ERP44: variants seen among roughly 807,000 people sequenced by gnomAD.
ERP44 encodes endoplasmic reticulum protein 44, also known as endoplasmic reticulum resident protein 44.
A neutral mutation model predicts 53.4 loss-of-function variants in ERP44; 25 were observed. The ratio of observed to expected loss-of-function variants is 0.47; its 90% CI spans 0.34 to 0.65. The LOEUF is 0.65. Among genes scored for constraint, ERP44 ranks in the 30% least tolerant of loss-of-function variants. The pLI is 0.01. For synonymous variants in ERP44, 145 were observed against 161.2 expected (o/e 0.90, Z 0.76); for missense variants, 338 against 493.2 (o/e 0.69, Z 2.98).
At chr9:100,072,255 C>T (rs1307112184) in intron 1 of ERP44, among the ~76,000 whole-genome samples, 1 of 152,080 alleles carries the variant, frequency 6.6e-6, no homozygotes, top group Admixed American at 6.6e-5. Context: ...TACCAAAAAG[C>T]TAATCAGAGA....
chr9:100,084,225 G>A (rs182048928), intron 1 of ERP44, among the ~76,000 whole-genome samples: 4 of 152,200 alleles, frequency 2.6e-5, no homozygotes, highest in East Asian at 1.9e-4. Flanking sequence ...CAGACAACAC[G>A]CTCTTCTATT....
At chr9:100,090,551 C>A (rs1429707772) in intron 1 of ERP44, among the ~76,000 whole-genome samples, 1 of 152,022 alleles carries the variant, frequency 6.6e-6, no homozygotes, top group Admixed American at 6.6e-5. Flanking sequence ...GAGTTTGAGA[C>A]CAGTCTGGCC....
chr9:99,992,525 TAA>T (rs1236644145), intron 10 of ERP44, among the ~76,000 whole-genome samples: 3 of 152,146 alleles, frequency 2.0e-5, no homozygotes, highest in African/African-American at 4.8e-5. Context: ...CTCTAAATAA[TAA>T]GAGCTATTTA....
At chr9:100,083,461 T>C (rs1407531555) in intron 1 of ERP44, among the ~76,000 whole-genome samples, 1 of 151,752 alleles carries the variant, frequency 6.6e-6, no homozygotes, top group African/African-American at 2.4e-5. Context: ...CAGCAAAAAA[T>C]AAAAAGCCAT....
chr9:100,051,066 G>A (rs1826031578), intron 4 of ERP44, among the ~76,000 whole-genome samples: 1 of 152,196 alleles, frequency 6.6e-6, no homozygotes, highest in Non-Finnish European at 1.5e-5. Flanking sequence ...GGGAAGCAGT[G>A]TGAAAATGTA....
chr9:100,052,549 A>G lies in ERP44; in HGVS notation c.171-17T>C. On this transcript the variant is annotated splice_polypyrimidine_tract_variant and intron_variant, in intron 3 of 11. Transcript: ENST00000262455. Reference sequence around the variant, plus strand: ...AAACGACACCTATACACAGAGAAGGATGCCAATTAGAAATGAAAAGCAGAA... The same window carrying G: ...AAACGACACCTATACACAGAGAAGGGTGCCAATTAGAAATGAAAAGCAGAA... 1 of 1,426,564 alleles carries G rather than the reference A, an allele frequency of 7.0e-7. No homozygotes were observed. The highest frequency in any genetic ancestry group is 9.7e-7 in the Non-Finnish European group (1 of 1,027,140). 88.4% of individuals were successfully genotyped at this position (1,426,564 alleles called of 1,614,324 possible).
At chr9:100,047,141 T>C (rs532474855) in intron 4 of ERP44, among the ~76,000 whole-genome samples, 2 of 152,338 alleles carry the variant, frequency 1.3e-5, no homozygotes, top group African/African-American at 2.4e-5. Flanking sequence ...TACTACCACA[T>C]TTATAAAAGA....
At chr9:100,003,653 T>G (rs1031250593) in intron 10 of ERP44, among the ~76,000 whole-genome samples, 4 of 151,836 alleles carry the variant, frequency 2.6e-5, no homozygotes, top group Middle Eastern at 3.4e-3. Flanking sequence ...TTCTGTGGAA[T>G]GGGCCTGCAT....
chr9:100,014,519 C>A (rs767028360), intron 8 of ERP44, among the ~76,000 whole-genome samples: 3 of 152,150 alleles, frequency 2.0e-5, no homozygotes, highest in Non-Finnish European at 4.4e-5. Context: ...GAACTCCCGA[C>A]CTCAGGTGAC....
intron 1 of ERP44, among the ~76,000 whole-genome samples, chr9:100,069,604 T>C (rs1826277205): frequency 6.6e-6 from 1 of 151,956 alleles, no homozygotes; most frequent in Admixed American, 6.6e-5. Flanking sequence ...TCAAAATAGA[T>C]ATATTTATTT....
intron 4 of ERP44, among the ~76,000 whole-genome samples, chr9:100,047,841 G>A (rs1446617664): frequency 2.0e-5 from 3 of 151,982 alleles, no homozygotes; most frequent in South Asian, 2.1e-4. Flanking sequence ...TATATGAGGG[G>A]TGAATATCTA....
At chr9:100,009,662 C>T (rs1830453159) in intron 8 of ERP44, among the ~76,000 whole-genome samples, 1 of 152,208 alleles carries the variant, frequency 6.6e-6, no homozygotes, top group Non-Finnish European at 1.5e-5. Flanking sequence ...TTGATCACTA[C>T]TTCTAACTGA....
chr9:99,994,557 C>T (rs148230552), intron 10 of ERP44, among the ~76,000 whole-genome samples: 33 of 152,074 alleles, frequency 2.2e-4, no homozygotes, highest in African/African-American at 7.2e-4. Flanking sequence ...ACGTAAATGA[C>T]GAGTTAATGG....
rs1186559745 is a variant in ERP44, at chr9:99,982,333, C to T, written c.*279G>A. The T allele has an allele frequency of 5.7e-6, 1 of 176,562 alleles. No individual in the cohort carries two copies. Among genetic ancestry groups the T allele is most frequent in the Non-Finnish European group, 1.2e-5 (1 of 84,656 alleles). 10.9% of individuals were successfully genotyped at this position (176,562 alleles called of 1,614,324 possible). On this transcript the variant is annotated 3_prime_UTR_variant, in exon 12 of 12. Coordinates refer to ENST00000262455, the MANE Select transcript of ERP44 (RefSeq NM_015051.3). ...TAATGGTAAGTTTCTGGCAATGTCA[C>T]CTTTCATTTGATTTATAAAACTTTT...
chr9:100,086,268 TATCA>T (rs1364427799), intron 1 of ERP44, among the ~76,000 whole-genome samples: 1 of 152,262 alleles, frequency 6.6e-6, no homozygotes, highest in African/African-American at 2.4e-5. Flanking sequence ...TTTTTATTTC[TATCA>T]ATCATAATTA....
At chr9:100,023,592 C>T (rs1054798510) in intron 4 of ERP44, among the ~76,000 whole-genome samples, 1 of 151,564 alleles carries the variant, frequency 6.6e-6, no homozygotes, top group Non-Finnish European at 1.5e-5. Context: ...CCATGCCTGG[C>T]TAATCTTAAA....
At chr9:100,029,625 C>G (rs566559078) in intron 4 of ERP44, among the ~76,000 whole-genome samples, 2 of 152,268 alleles carry the variant, frequency 1.3e-5, no homozygotes, top group Admixed American at 6.5e-5. Context: ...TCCTCAAAAC[C>G]TAAAAATAGA....
intron 10 of ERP44, among the ~76,000 whole-genome samples, chr9:99,996,301 A>C (rs1222407801): frequency 2.0e-5 from 3 of 152,130 alleles, no homozygotes; most frequent in Non-Finnish European, 2.9e-5. Flanking sequence ...GTTGTTACAA[A>C]GCCAGGACGC....
intron 1 of ERP44, among the ~76,000 whole-genome samples, chr9:100,081,533 A>G (rs1021918329): frequency 2.0e-5 from 3 of 152,098 alleles, no homozygotes; most frequent in African/African-American, 7.2e-5. Flanking sequence ...TAAAAAAAAA[A>G]CCATAAATAT....
Sources: allele counts gnomAD v4.1 joint callset (sites outside exome capture counted in the v4.1 genomes callset), GRCh38; gene constraint gnomAD v4.1.1; transcripts MANE v1.5; gene names NCBI Gene and HGNC (gene_info 2026-07-23, HGNC 2026-07-21).